The following CEP128 variants were observed in gnomAD, a reference collection of about 807,000 sequenced individuals.
CEP128 encodes centrosomal protein 128kDa.
Under a neutral mutation model 156.7 loss-of-function variants are expected in CEP128, and 132 were observed. That is an observed-to-expected ratio of 0.84 (90% confidence interval 0.73 to 0.97). The LOEUF (loss-of-function observed/expected upper bound fraction) is 0.97. CEP128 is among the 50% of genes least tolerant of loss of function. CEP128 has a pLI of 0.00. For missense variants in CEP128, 1,252 were observed against 1,281.9 expected (o/e 0.98, Z 0.36); for synonymous variants, 469 against 448.9 (o/e 1.04, Z -0.57).
At chr14:80,857,671 T>A (rs1392279377) in intron 9 of CEP128, among the ~76,000 whole-genome samples, 1 of 150,996 alleles carries the variant, frequency 6.6e-6, no homozygotes, top group Non-Finnish European at 1.5e-5. Context: ...AACCCAGGAA[T>A]TCGAGGCTGT....
chr14:80,616,611 C>T (rs1023132252), intron 19 of CEP128, among the ~76,000 whole-genome samples: 3 of 152,120 alleles, frequency 2.0e-5, no homozygotes, highest in South Asian at 2.1e-4. Flanking sequence ...ATTCTTAAGA[C>T]GCAAATAGCA....
intron 19 of CEP128, among the ~76,000 whole-genome samples, chr14:80,598,465 T>C (rs1892436415): frequency 1.3e-5 from 2 of 151,936 alleles, no homozygotes; most frequent in Admixed American, 1.3e-4. Context: ...ATGAAAGAAA[T>C]TAAAGGAGAC....
At chr14:80,482,497 G>A (rs1429820504) in intron 14 of CEP128, among the ~76,000 whole-genome samples, 1 of 152,136 alleles carries the variant, frequency 6.6e-6, no homozygotes, top group Non-Finnish European at 1.5e-5. Flanking sequence ...AGAATCAATA[G>A]CACTCTTATC....
chr14:80,558,652 A>G (rs1023176168), intron 21 of CEP128, among the ~76,000 whole-genome samples: 5 of 150,734 alleles, frequency 3.3e-5, no homozygotes, highest in African/African-American at 1.2e-4. Flanking sequence ...CGAACTCCTG[A>G]CCTCAAATGA....
chr14:80,793,339 C>T (rs968015669), intron 13 of CEP128, among the ~76,000 whole-genome samples: 1 of 151,906 alleles, frequency 6.6e-6, no homozygotes, highest in Non-Finnish European at 1.5e-5. Flanking sequence ...TTTTATCATC[C>T]AAAAAGGGAA....
intron 13 of CEP128, among the ~76,000 whole-genome samples, chr14:80,813,263 G>C (rs1941554457): frequency 6.6e-6 from 1 of 152,080 alleles, no homozygotes. Context: ...ATTGCTTTTG[G>C]AGTTTTTGTC....
chr14:80,914,856 A>G (rs28519983), intron 3 of CEP128, among the ~76,000 whole-genome samples: 4,715 of 152,296 alleles, frequency 0.031, 238 homozygotes, highest in African/African-American at 0.11. Context: ...AAGAAAAACA[A>G]CAAATTTAAT....
At chr14:80,837,766 G>A (rs577138793) in intron 11 of CEP128, among the ~76,000 whole-genome samples, 2 of 152,288 alleles carry the variant, frequency 1.3e-5, no homozygotes, top group East Asian at 3.9e-4. Flanking sequence ...GGGTCAAGTA[G>A]TATCTTGAAA....
At chr14:80,769,557 T>TC (rs1388053899) in intron 16 of CEP128, among the ~76,000 whole-genome samples, 1 of 152,196 alleles carries the variant, frequency 6.6e-6, no homozygotes, top group Non-Finnish European at 1.5e-5. Context: ...GTTTCCAGCT[T>TC]CATCCATGTC....
intron 2 of CEP128, among the ~76,000 whole-genome samples, chr14:80,922,208 T>G (rs1356445233): frequency 2.0e-5 from 3 of 152,208 alleles, no homozygotes; most frequent in African/African-American, 7.2e-5. Flanking sequence ...TTGGTAACTG[T>G]GTCCTTTTCC....
At chr14:80,808,065 C>G (rs1884287882) in intron 13 of CEP128, among the ~76,000 whole-genome samples, 1 of 152,154 alleles carries the variant, frequency 6.6e-6, no homozygotes, top group African/African-American at 2.4e-5. Flanking sequence ...TGTCTGGGAC[C>G]AGGAGAAGTG....
At chr14:80,714,513 A>G (rs956295201) in intron 19 of CEP128, among the ~76,000 whole-genome samples, 4 of 152,162 alleles carry the variant, frequency 2.6e-5, no homozygotes, top group African/African-American at 9.7e-5. Flanking sequence ...TTGTCCAACT[A>G]ATGAAAAGAA....
At chr14:80,550,172 C>T (rs1431927010) in intron 21 of CEP128, among the ~76,000 whole-genome samples, 1 of 152,156 alleles carries the variant, frequency 6.6e-6, no homozygotes, top group Non-Finnish European at 1.5e-5. Context: ...TTAGGATTTA[C>T]CCCATTTTAA....
At chr14:80,654,747 C>G (rs1895056883) in intron 19 of CEP128, among the ~76,000 whole-genome samples, 2 of 152,024 alleles carry the variant, frequency 1.3e-5, no homozygotes. Flanking sequence ...TCTTTCTACT[C>G]CCCTCCTCCA....
intron 19 of CEP128, among the ~76,000 whole-genome samples, chr14:80,721,351 GC>G: frequency 6.6e-6 from 1 of 152,142 alleles, no homozygotes; most frequent in East Asian, 1.9e-4. Context: ...ATCCTCTAGG[GC>G]TATTCTGTTC....
chr14:80,864,490 T>A (rs1347073446), intron 8 of CEP128, among the ~76,000 whole-genome samples: 6 of 152,074 alleles, frequency 3.9e-5, no homozygotes, highest in Non-Finnish European at 1.5e-5. Flanking sequence ...TATTTAGACA[T>A]CAGCAACTTT....
intron 23 of CEP128, among the ~76,000 whole-genome samples, chr14:80,510,026 C>G (rs1034762805): frequency 2.6e-5 from 4 of 152,098 alleles, no homozygotes; most frequent in Non-Finnish European, 4.4e-5. Context: ...GTTACTATAG[C>G]TCTGTAGTAT....
At chr14:80,562,903 A>G (rs1409330427) in intron 20 of CEP128, among the ~76,000 whole-genome samples, 2 of 151,722 alleles carry the variant, frequency 1.3e-5, no homozygotes, top group Non-Finnish European at 2.9e-5. Context: ...GGCTCAAGCA[A>G]TCCTCCTGCC....
intron 2 of CEP128, among the ~76,000 whole-genome samples, chr14:80,951,995 A>C (rs921600305): frequency 6.6e-6 from 1 of 152,114 alleles, no homozygotes; most frequent in Non-Finnish European, 1.5e-5. Context: ...ATGAACTTTA[A>C]ATTGCATGAA....
Sources: allele counts gnomAD v4.1 joint callset (sites outside exome capture counted in the v4.1 genomes callset), GRCh38; gene constraint gnomAD v4.1.1; transcripts MANE v1.5; gene names NCBI Gene and HGNC (gene_info 2026-07-23, HGNC 2026-07-21).